Variants in MOXD1 observed in about 807,000 individuals in gnomAD.
The protein encoded by MOXD1 is monooxygenase DBH like 1.
Under a neutral mutation model 66.6 loss-of-function variants are expected in MOXD1, and 62 were observed. The observed-to-expected ratio is 0.93, with a 90% CI of 0.76 to 1.15. The LOEUF (loss-of-function observed/expected upper bound fraction) is 1.15. Among genes scored for constraint, MOXD1 ranks in the 50% most tolerant of loss-of-function variants. The pLI, the probability that MOXD1 is intolerant of heterozygous loss-of-function variation, is 0.00. For missense variants in MOXD1, 847 were observed against 754.6 expected, an observed-to-expected ratio of 1.12 and a Z score of -1.44; for synonymous variants, 303 against 281.9, an observed-to-expected ratio of 1.07 and a Z score of -0.75.
chr6:132,348,433 T>TG (rs1453204818), intron 4 of MOXD1, among the ~76,000 whole-genome samples: 1 of 152,224 alleles, frequency 6.6e-6, no homozygotes, highest in Non-Finnish European at 1.5e-5. Context: ...AAGATCAAGG[T>TG]GGGTCCCAAG....
intron 4 of MOXD1, among the ~76,000 whole-genome samples, chr6:132,351,711 G>C (rs557719556): frequency 3.2e-4 from 48 of 152,234 alleles, no homozygotes; most frequent in Non-Finnish European, 5.7e-4. Flanking sequence ...ATGTCAAAAA[G>C]ATTGGTACCA....
At chr6:132,339,811 G>C (rs1775512530) in intron 4 of MOXD1, among the ~76,000 whole-genome samples, 1 of 151,610 alleles carries the variant, frequency 6.6e-6, no homozygotes, top group African/African-American at 2.4e-5. Context: ...AGGCAAAATA[G>C]CCTAAGGATG....
intron 4 of MOXD1, among the ~76,000 whole-genome samples, chr6:132,338,966 A>G (rs1775494995): frequency 6.6e-6 from 1 of 152,234 alleles, no homozygotes; most frequent in Admixed American, 6.5e-5. Flanking sequence ...ACACTCACAG[A>G]CAACAAGTAA....
intron 4 of MOXD1, among the ~76,000 whole-genome samples, chr6:132,359,272 A>T (rs1056679293): frequency 6.6e-6 from 1 of 151,826 alleles, no homozygotes; most frequent in Non-Finnish European, 1.5e-5. Flanking sequence ...TAAATTTTTT[A>T]AATTTTTCTT....
intron 10 of MOXD1, among the ~76,000 whole-genome samples, chr6:132,303,833 G>GTATA (rs1562276379): frequency 1.8e-4 from 11 of 59,986 alleles, no homozygotes; most frequent in Non-Finnish European, 3.7e-4. Flanking sequence ...GTGTGTGTGT[G>GTATA]TGTATATATA....
At chr6:132,315,811 G>A (rs376626126) in intron 9 of MOXD1, 34 bp from the exon 10 acceptor site, 12 of 1,604,312 alleles carry the variant, frequency 7.5e-6, no homozygotes, top group Middle Eastern at 1.7e-4. Flanking sequence ...CAAAGTATGT[G>A]TTCTACCAAC....
intron 4 of MOXD1, among the ~76,000 whole-genome samples, chr6:132,331,288 C>T (rs939865917): frequency 1.8e-4 from 27 of 152,158 alleles, no homozygotes; most frequent in African/African-American, 6.3e-4. Context: ...TCAGGCAGAA[C>T]CTTAAGGTTG....
Position 132,328,048 on chromosome 6 carries a change from A to G in MOXD1, c.911T>C (p.Leu304Pro). ...AGTGGGATTATCATAATGGACTTCT[A>G]GGAGCACATAATGCGGATCTAATGG... ...GTPLDPHYVL[L>P]EVHYDNPTYE... The change falls in exon 6 of 12, where the codon CTA becomes CCA. Residue 304 changes from leucine (L) to proline (P), a missense_variant. Coordinates refer to ENST00000367963, the MANE Select transcript of MOXD1 (RefSeq NM_015529.4). 1 of 1,613,778 alleles carries G rather than the reference A, an allele frequency of 6.2e-7. No individual in the cohort carries two copies. Among genetic ancestry groups the G allele is most frequent in the Non-Finnish European group, 8.5e-7 (1 of 1,179,712 alleles).
At chr6:132,322,496 T>A (rs1006093277) in intron 8 of MOXD1, among the ~76,000 whole-genome samples, 183 bp downstream of exon 8, 3 of 152,138 alleles carry the variant, frequency 2.0e-5, no homozygotes, top group African/African-American at 7.2e-5. Context: ...GAAAAATGAG[T>A]TTCAATTTTG....
rs544363047 is a variant in MOXD1 at position 132,323,502 on chromosome 6, TA to T, written c.1113+428del. Among the ~76,000 whole-genome samples, 536 of 152,288 alleles carry T rather than the reference TA, an allele frequency of 3.5e-3. 4 individuals are homozygous for T. Among genetic ancestry groups the T allele is most frequent in the Middle Eastern group, 0.024 (7 of 294 alleles). The stretch of plus-strand genomic sequence containing the variant: ...AAATATACTTTTCTTCTATCCTATA[TA>T]TTTTTTTATATTAGTTATTTTTGCT... On this transcript the variant is annotated intron_variant, in intron 7 of 11. Transcript: ENST00000367963.
At chr6:132,321,213 G>T (rs1005761311) in intron 8 of MOXD1, among the ~76,000 whole-genome samples, 1 of 151,360 alleles carries the variant, frequency 6.6e-6, no homozygotes, top group Non-Finnish European at 1.5e-5. Context: ...GCAGTGAGCC[G>T]AGATCGCACC....
chr6:132,370,811 T>A (rs1206363716), intron 4 of MOXD1, among the ~76,000 whole-genome samples: 1 of 152,156 alleles, frequency 6.6e-6, no homozygotes, highest in African/African-American at 2.4e-5. Flanking sequence ...TCTAAGTTCA[T>A]GTGTCTGAGA....
chr6:132,340,520 A>G (rs954131200), intron 4 of MOXD1, among the ~76,000 whole-genome samples: 2 of 150,794 alleles, frequency 1.3e-5, no homozygotes, highest in African/African-American at 4.9e-5. Context: ...AAAAATATAC[A>G]TATAAAACAA....
At chr6:132,362,220 A>C (rs1033799439) in intron 4 of MOXD1, among the ~76,000 whole-genome samples, 2 of 152,144 alleles carry the variant, frequency 1.3e-5, no homozygotes, top group Non-Finnish European at 2.9e-5. Context: ...AATTTTAAGA[A>C]AATCTTTTAT....
chr6:132,311,080 TA>T (rs771296020), intron 10 of MOXD1, among the ~76,000 whole-genome samples: 22 of 152,062 alleles, frequency 1.4e-4, no homozygotes, highest in Non-Finnish European at 2.9e-4. Flanking sequence ...ATCCTACAAG[TA>T]AAGGAAAAAT....
At chr6:132,333,152 A>C (rs568959602) in intron 4 of MOXD1, among the ~76,000 whole-genome samples, 215 of 151,946 alleles carry the variant, frequency 1.4e-3, no homozygotes, top group Middle Eastern at 6.8e-3. Context: ...CTGGCTAACA[A>C]GGTGAAACCC....
chr6:132,297,150 T>C lies in MOXD1; in HGVS notation c.*3A>G. Reference sequence around the variant, plus strand: ...AACATTGTCAAGTCCAACAGAATTTTGATCACAAGCTCTTGGTGCTCAGCG... The same window carrying C: ...AACATTGTCAAGTCCAACAGAATTTCGATCACAAGCTCTTGGTGCTCAGCG... On this transcript the variant is annotated 3_prime_UTR_variant, in exon 12 of 12. Coordinates refer to ENST00000367963, the MANE Select transcript of MOXD1 (RefSeq NM_015529.4). 1 of 1,612,710 alleles carries C rather than the reference T, an allele frequency of 6.2e-7. No individual in the cohort carries two copies. The highest frequency in any genetic ancestry group is 8.5e-7 in the Non-Finnish European group (1 of 1,179,248).
intron 1 of MOXD1, 98 bp from the exon 2 acceptor site, chr6:132,374,875 T>C (rs1180523056): frequency 1.6e-6 from 2 of 1,242,212 alleles, no homozygotes; most frequent in African/African-American, 3.0e-5. Flanking sequence ...TCTAGAGTTA[T>C]TTTATAAATC....
rs752455928 is a variant in MOXD1 at position 132,328,139 on chromosome 6, A to G, written c.844-24T>C. The G allele has an allele frequency of 1.5e-5, 23 of 1,584,072 alleles. 1 individual carries two copies. The South Asian group carries it at 2.5e-4, about 18-fold the overall frequency. On this transcript the variant is annotated intron_variant, in intron 5 of 11. Transcript: ENST00000367963. ...CCCTAAATATGGAAAATGCCATGAG[A>G]CAATGTCCTATGAAAGTCCCTGAGA...
Sources: gnomAD v4.1 joint callset for allele counts (sites outside exome capture counted in the v4.1 genomes callset) on GRCh38, gnomAD v4.1.1 for gene constraint, MANE v1.5 for transcripts, NCBI Gene and HGNC (gene_info 2026-07-23, HGNC 2026-07-21) for gene names.